The following ETFA variants were observed in gnomAD, a reference collection of about 807,000 sequenced individuals.
The protein encoded by ETFA is electron transfer flavoprotein subunit alpha, mitochondrial.
In ETFA, 22 loss-of-function variants were observed where a neutral mutation model predicts 46.2. The observed-to-expected ratio is 0.48, with a 90% confidence interval of 0.34 to 0.68. The LOEUF is 0.68. Ranked by LOEUF, ETFA falls within the 30% of genes least tolerant of loss-of-function variation. ETFA has a pLI of 0.01. For missense variants in ETFA, 345 were observed against 401.1 expected, an observed-to-expected ratio of 0.86 and a Z score of 1.19; for synonymous variants, 131 against 139.9, an observed-to-expected ratio of 0.94 and a Z score of 0.45.
intron 1 of ETFA, among the ~76,000 whole-genome samples, chr15:76,303,650 G>C (rs2039905169): frequency 6.6e-6 from 1 of 152,070 alleles, no homozygotes; most frequent in Non-Finnish European, 1.5e-5. Context: ...ATGGGCAATG[G>C]ACATCAACAG....
At chr15:76,289,911 T>C (rs758444206) in intron 4 of ETFA, among the ~76,000 whole-genome samples, 5 of 152,190 alleles carry the variant, frequency 3.3e-5, no homozygotes, top group Non-Finnish European at 7.4e-5. Flanking sequence ...ACAAACACCC[T>C]TTCATGGTCT....
intron 9 of ETFA, chr15:76,260,858 G>T (rs2039403584): frequency 6.2e-7 from 1 of 1,611,656 alleles, no homozygotes; most frequent in East Asian, 2.2e-5. Context: ...CCCGGAGCAG[G>T]CAGGTAAAGG....
chr15:76,292,737 T>G (rs2039779926), intron 2 of ETFA, 37 bp from the exon 3 acceptor site: 1 of 1,369,698 alleles, frequency 7.3e-7, no homozygotes, highest in Non-Finnish European at 1.0e-6. Flanking sequence ...TATCCATCTA[T>G]CAGAAATATA....
Position 76,225,919 on chromosome 15 carries a change from G to A in ETFA, c.893C>T (p.Ala298Val). ...TGGAGCTTCTGGGTCTTTATTAATT[G>A]CCACAATTGTCTGTGAAATAAAAAC... ...AGMKDSKTIV[A>V]INKDPEAPIF... is the part of the protein sequence containing the mutation. The change falls in exon 11 of 12, where the codon GCA (alanine) becomes GTA (valine). Residue 298 changes from alanine to valine, a missense_variant. By Grantham distance (64) the Ala-to-Val change is moderately conservative (BLOSUM62 0). Coordinates refer to ENST00000557943, the MANE Select transcript of ETFA (RefSeq NM_000126.4). The A allele has an allele frequency of 6.2e-7, 1 of 1,602,040 alleles. No individual in the cohort carries two copies. The highest frequency in any genetic ancestry group is 8.6e-7 in the Non-Finnish European group (1 of 1,169,208).
Position 76,226,075 on chromosome 15 carries a change from A to G in ETFA, c.883-146T>C, listed in dbSNP as rs2039001104. 3 of 619,370 alleles carry G rather than the reference A, an allele frequency of 4.8e-6. No homozygotes were observed. In the South Asian group the frequency reaches 5.8e-5, roughly 12 times the overall value. The allele number at this position is 619,370 out of a possible 1,614,324, so 38.4% of individuals were successfully genotyped here. ...GCATCTGTGTCAACACTGTAAATTT[A>G]TTAGAAATTTCCAGGTTGGAATGTA... On this transcript the variant is annotated intron_variant, in intron 10 of 11. Transcript: ENST00000557943.
chr15:76,287,219 T>C (rs2039712357), intron 5 of ETFA, among the ~76,000 whole-genome samples: 1 of 152,172 alleles, frequency 6.6e-6, no homozygotes, highest in Non-Finnish European at 1.5e-5. Flanking sequence ...GCTGGAGTGC[T>C]GTGGCATGAT....
rs1157434090 is a variant in ETFA, at chr15:76,261,642, G to T, written c.816+12770C>A. On this transcript the variant is annotated intron_variant, in intron 9 of 11. Coordinates refer to ENST00000557943, the MANE Select transcript of ETFA (RefSeq NM_000126.4). ...GCCAGCAGCAGCCCCAGCTGCTGTG[G>T]CGGCAGCAGCAGGAGCCCCAGCCGC... is the stretch of plus-strand genomic sequence containing the variant. The T allele has an allele frequency of 1.8e-5, 7 of 393,274 alleles. No individual in the cohort carries two copies. In the Admixed American group the frequency reaches 3.0e-4, roughly 17 times the overall value. The allele number at this position is 393,274 out of a possible 1,614,324, so 24.4% of individuals were successfully genotyped here. A position where few individuals can be genotyped will look rare whatever the true frequency, so the allele number is the denominator to read the frequency against.
chr15:76,294,812 G>T (rs2039801535), intron 2 of ETFA, among the ~76,000 whole-genome samples: 1 of 152,154 alleles, frequency 6.6e-6, no homozygotes, highest in African/African-American at 2.4e-5. Flanking sequence ...GCTTCCCAAA[G>T]TCCTGGGATT....
chr15:76,277,504 C>CA (rs56030685), intron 8 of ETFA, among the ~76,000 whole-genome samples: 20 of 149,726 alleles, frequency 1.3e-4, no homozygotes, highest in African/African-American at 4.7e-4. Context: ...AAAACAAAAA[C>CA]AAAAAAAAAA....
At chr15:76,278,696 CCT>C (rs1288706695) in intron 8 of ETFA, among the ~76,000 whole-genome samples, 2 of 152,178 alleles carry the variant, frequency 1.3e-5, no homozygotes, top group African/African-American at 4.8e-5. Flanking sequence ...ACTTCCTATA[CCT>C]CTTTAGCATC....
chr15:76,282,411 G>A (rs1429366341), intron 8 of ETFA, among the ~76,000 whole-genome samples: 1 of 152,130 alleles, frequency 6.6e-6, no homozygotes, highest in Non-Finnish European at 1.5e-5. Flanking sequence ...ACACATCTCT[G>A]GCCTCCAAAG....
chr15:76,286,553 A>G (rs2141531871), intron 5 of ETFA, 72 bp from the exon 6 acceptor site: 7 of 894,306 alleles, frequency 7.8e-6, no homozygotes, highest in Non-Finnish European at 1.1e-5. Flanking sequence ...TGATGCTTGG[A>G]ATTTACTTCA....
chr15:76,260,606 TCCATTGTCTTAAAC>T, intron 9 of ETFA: 1 of 1,516,752 alleles, frequency 6.6e-7, no homozygotes, highest in Non-Finnish European at 9.1e-7. Flanking sequence ...CATCCTGGGT[TCCATTGTCTTAAAC>T]CCAGGACAGT....
At chr15:76,236,068 G>T (rs2039119217) in intron 9 of ETFA, among the ~76,000 whole-genome samples, 1 of 152,158 alleles carries the variant, frequency 6.6e-6, no homozygotes, top group African/African-American at 2.4e-5. Context: ...GTTTTTGGCT[G>T]CTTTCTTCAG....
At chr15:76,241,225 G>C (rs2039183378) in intron 9 of ETFA, among the ~76,000 whole-genome samples, 1 of 152,138 alleles carries the variant, frequency 6.6e-6, no homozygotes, top group African/African-American at 2.4e-5. Context: ...TGAAGGCTGG[G>C]TGCAGTGGCT....
intron 8 of ETFA, among the ~76,000 whole-genome samples, chr15:76,279,051 CCT>C (rs1404681218): frequency 1.3e-5 from 2 of 152,188 alleles, no homozygotes; most frequent in African/African-American, 4.8e-5. Context: ...ATGAAGTCCC[CCT>C]GTTGGCCAGA....
chr15:76,265,556 C>A (rs77539682), intron 9 of ETFA, among the ~76,000 whole-genome samples: 1,789 of 152,238 alleles, frequency 0.012, 41 homozygotes, highest in African/African-American at 0.042. Flanking sequence ...TCAATGGCCT[C>A]GACACTTGCC....
At chr15:76,234,208 TA>T (rs2039099565) in intron 9 of ETFA, among the ~76,000 whole-genome samples, 1 of 152,120 alleles carries the variant, frequency 6.6e-6, no homozygotes. Context: ...ACTGAAACAA[TA>T]ACCCAGAACA....
intron 9 of ETFA, chr15:76,245,372 T>TG (rs2039234089): frequency 6.6e-6 from 1 of 152,234 alleles, no homozygotes; most frequent in Non-Finnish European, 1.5e-5. Context: ...ACAGTTCTCT[T>TG]GGAGTTAAAA....
Sources: allele counts gnomAD v4.1 joint callset (sites outside exome capture counted in the v4.1 genomes callset), GRCh38; gene constraint gnomAD v4.1.1; transcripts MANE v1.5; gene names NCBI Gene and HGNC (gene_info 2026-07-23, HGNC 2026-07-21).